The following DHRSX variants were observed in gnomAD, a reference collection of about 807,000 sequenced individuals.
DHRSX encodes dehydrogenase/reductase X-linked, also known as polyprenol dehydrogenase.
DHRSX carries 31 observed loss-of-function variants against 34.0 expected under a neutral mutation model. The observed-to-expected ratio is 0.91, with a 90% CI of 0.69 to 1.23. DHRSX has a LOEUF of 1.23. DHRSX is among the 50% of genes most tolerant of loss of function. The pLI, the probability that DHRSX is intolerant of heterozygous loss-of-function variation, is 0.00. For synonymous variants in DHRSX, 201 were observed against 183.8 expected (o/e 1.09, Z -0.76); for missense variants, 414 against 428.1 (o/e 0.97, Z 0.29).
At chrX:2,252,745 G>A (rs1364151557) in intron 5 of DHRSX, among the ~76,000 whole-genome samples, 1 of 152,160 alleles carries the variant, frequency 6.6e-6, no homozygotes, top group Non-Finnish European at 1.5e-5. Context: ...TCCAAGAGGG[G>A]CACGTAGTTT....
chrX:2,450,986 A>G (rs2044208867), intron 1 of DHRSX, among the ~76,000 whole-genome samples: 2 of 152,062 alleles, frequency 1.3e-5, no homozygotes. Flanking sequence ...TGCATCATCT[A>G]TGAACCAGGA....
intron 3 of DHRSX, among the ~76,000 whole-genome samples, chrX:2,340,818 A>G (rs1238014065): frequency 6.6e-6 from 1 of 152,116 alleles, no homozygotes; most frequent in Non-Finnish European, 1.5e-5. Context: ...ATGAAGCAAC[A>G]AAAGGAAGGA....
At chrX:2,346,241 G>A (rs1364383044) in intron 3 of DHRSX, among the ~76,000 whole-genome samples, 1 of 47,606 alleles carries the variant, frequency 2.1e-5, no homozygotes, top group African/African-American at 4.4e-5. Flanking sequence ...CTACAGAGGT[G>A]CATCTGACAT....
Position 2,483,809 on chromosome X carries a change from A to T in DHRSX, c.109+17008T>A, listed in dbSNP as rs1221522579. 1.4e-5 allele frequency among the ~76,000 whole-genome samples: 2 copies of T among 142,542 alleles called. 1 individual carries two copies. The highest frequency in any genetic ancestry group is 1.4e-4 in the Admixed American group (2 of 14,176). The allele number at this position is 142,542 out of a possible 152,430, so 93.5% of individuals were successfully genotyped here. A position where few individuals can be genotyped will look rare whatever the true frequency, so the allele number is the denominator to read the frequency against. On this transcript the variant is annotated intron_variant, in intron 1 of 6. Coordinates refer to ENST00000334651, the MANE Select transcript of DHRSX (RefSeq NM_145177.3). Reference sequence around the variant, plus strand: ...AGTGGCAAAAAAAAAAAAAAAAAAAAGTAGTTTCAACAAAGTCCAGCGGTT... The same window carrying T: ...AGTGGCAAAAAAAAAAAAAAAAAAATGTAGTTTCAACAAAGTCCAGCGGTT...
At chrX:2,483,672 C>G (rs1160946889) in intron 1 of DHRSX, among the ~76,000 whole-genome samples, 5 of 151,568 alleles carry the variant, frequency 3.3e-5, no homozygotes, top group African/African-American at 1.2e-4. Context: ...ACAAAAACCT[C>G]ACGTGTGTTA....
chrX:2,485,656 G>A (rs1418828176), intron 1 of DHRSX, among the ~76,000 whole-genome samples: 1 of 72,248 alleles, frequency 1.4e-5, no homozygotes. Flanking sequence ...AGGGAGGGAG[G>A]GATGGGGGAA....
chrX:2,440,260 G>GC (rs2044046078), intron 1 of DHRSX, among the ~76,000 whole-genome samples: 1 of 151,928 alleles, frequency 6.6e-6, no homozygotes, highest in African/African-American at 2.4e-5. Context: ...GAGTGCAGTG[G>GC]GGCAATCATG....
chrX:2,300,794 G>A (rs1267852261), intron 3 of DHRSX, among the ~76,000 whole-genome samples: 1 of 151,990 alleles, frequency 6.6e-6, no homozygotes, highest in Admixed American at 6.6e-5. Flanking sequence ...TATCCTGTTA[G>A]TTATATCCCT....
chrX:2,248,224 G>C (rs1161469756), intron 5 of DHRSX, among the ~76,000 whole-genome samples: 3 of 152,094 alleles, frequency 2.0e-5, no homozygotes, highest in Non-Finnish European at 4.4e-5. Context: ...ACAAGGTCAG[G>C]AGATCGAGAC....
At chrX:2,330,770 G>A (rs1002271340) in intron 3 of DHRSX, among the ~76,000 whole-genome samples, 2 of 151,520 alleles carry the variant, frequency 1.3e-5, no homozygotes, top group African/African-American at 4.9e-5. Context: ...AAAGAAGACA[G>A]GGAGAGAGAA....
At chrX:2,263,360 T>C (rs781183555) in intron 5 of DHRSX, among the ~76,000 whole-genome samples, 2 of 152,200 alleles carry the variant, frequency 1.3e-5, no homozygotes, top group African/African-American at 4.8e-5. Context: ...CTTCCACTGC[T>C]TGATGACACA....
intron 6 of DHRSX, among the ~76,000 whole-genome samples, chrX:2,235,411 C>G (rs2015988893): frequency 6.6e-6 from 1 of 152,166 alleles, no homozygotes; most frequent in African/African-American, 2.4e-5. Flanking sequence ...AAATCCGCAC[C>G]TGTACTCCTT....
intron 1 of DHRSX, chrX:2,490,875 C>A: frequency 9.4e-7 from 1 of 1,058,452 alleles, no homozygotes; most frequent in Non-Finnish European, 1.4e-6. Flanking sequence ...CGCTTTCAAC[C>A]AAAGGGCACT....
intron 1 of DHRSX, among the ~76,000 whole-genome samples, chrX:2,483,675 G>A (rs1032075307): frequency 6.6e-6 from 1 of 151,366 alleles, no homozygotes; most frequent in African/African-American, 2.4e-5. Flanking sequence ...AAAACCTCAC[G>A]TGTGTTACCT....
chrX:2,314,227 A>AAGG (rs2042200622), intron 3 of DHRSX, among the ~76,000 whole-genome samples: 4 of 8,828 alleles, frequency 4.5e-4, no homozygotes, highest in African/African-American at 7.3e-4. Context: ...GGAGGGAAGG[A>AAGG]AGGGAGGGAG....
intron 5 of DHRSX, among the ~76,000 whole-genome samples, chrX:2,243,671 A>G (rs2016197299): frequency 6.6e-6 from 1 of 151,628 alleles, no homozygotes; most frequent in African/African-American, 2.4e-5. Flanking sequence ...TATTTTCAGC[A>G]AAGATGGAAG....
At chrX:2,476,933 C>T (rs1341531535) in intron 1 of DHRSX, among the ~76,000 whole-genome samples, 1 of 151,468 alleles carries the variant, frequency 6.6e-6, no homozygotes, top group Non-Finnish European at 1.5e-5. Context: ...ACCTGGGAGA[C>T]GGAGGCTGCA....
At chrX:2,453,143 G>C (rs143156333) in intron 1 of DHRSX, among the ~76,000 whole-genome samples, 1,527 of 152,228 alleles carry the variant, frequency 0.01, 12 homozygotes, top group Middle Eastern at 0.027. Flanking sequence ...CCATATCATC[G>C]CATATGTAGA....
chrX:2,264,401 G>A (rs189437713), intron 5 of DHRSX, among the ~76,000 whole-genome samples: 17 of 150,160 alleles, frequency 1.1e-4, no homozygotes, highest in Admixed American at 9.9e-4. Context: ...GGAGCACCAT[G>A]CCCAGAGCAC....
Sources: gnomAD v4.1 joint callset for allele counts (sites outside exome capture counted in the v4.1 genomes callset) on GRCh38, gnomAD v4.1.1 for gene constraint, MANE v1.5 for transcripts, NCBI Gene and HGNC (gene_info 2026-07-23, HGNC 2026-07-21) for gene names.